Variants in MYO16 observed in about 807,000 individuals in gnomAD.
MYO16 encodes the protein myosin XVI.
In MYO16, 94 loss-of-function variants were observed where a neutral mutation model predicts 205.3. That is an observed-to-expected ratio of 0.46 (90% CI 0.39 to 0.54). MYO16 has a LOEUF of 0.54. Ranked by LOEUF, MYO16 falls within the 20% of genes least tolerant of loss-of-function variation. The pLI is 0.00. For missense variants in MYO16, 2,315 were observed against 2,387.5 expected, an observed-to-expected ratio of 0.97 and a Z score of 0.63; for synonymous variants, 988 against 954.0, an observed-to-expected ratio of 1.04 and a Z score of -0.66.
intron 4 of MYO16, among the ~76,000 whole-genome samples, chr13:108,734,978 A>G (rs1594249814): frequency 6.6e-6 from 1 of 152,162 alleles, no homozygotes; most frequent in Admixed American, 6.5e-5. Context: ...GGTAGGAGAA[A>G]GGTAGTTATT....
chr13:108,591,296 G>A (rs1878392149), upstream of MYO16, among the ~76,000 whole-genome samples: 1 of 152,238 alleles, frequency 6.6e-6, no homozygotes, highest in Non-Finnish European at 1.5e-5. Flanking sequence ...TTTGTAAAAT[G>A]TGTAAGAGCT....
chr13:108,653,231 A>G (rs973334627), intron 1 of MYO16, among the ~76,000 whole-genome samples: 2 of 152,046 alleles, frequency 1.3e-5, no homozygotes, highest in East Asian at 1.9e-4. Flanking sequence ...TTTTAATCAG[A>G]TTATTTGATT....
At chr13:108,965,601 T>G (rs1883762606) in intron 20 of MYO16, among the ~76,000 whole-genome samples, 1 of 152,040 alleles carries the variant, frequency 6.6e-6, no homozygotes, top group Admixed American at 6.6e-5. Flanking sequence ...AGATGGGGTT[T>G]CTCCATGTTG....
chr13:108,567,451 A>G, the MYO16 span, among the ~76,000 whole-genome samples: 1 of 152,184 alleles, frequency 6.6e-6, no homozygotes, highest in Non-Finnish European at 1.5e-5. Context: ...TACAGCAAAT[A>G]AAAATGGCCA....
chr13:108,868,112 A>G (rs1878815394), intron 12 of MYO16, among the ~76,000 whole-genome samples: 1 of 150,200 alleles, frequency 6.7e-6, no homozygotes, highest in South Asian at 2.1e-4. Flanking sequence ...TATTACTGCT[A>G]TGAACATCCT....
intron 13 of MYO16, among the ~76,000 whole-genome samples, chr13:108,884,843 A>G (rs1879787209): frequency 6.6e-6 from 1 of 150,568 alleles, no homozygotes; most frequent in African/African-American, 2.5e-5. Context: ...CACCCATTCT[A>G]GACATGAGGA....
rs542779301 is a variant in MYO16, at chr13:108,831,942, C to T, written c.1097+8664C>T. ...TTGTTATGTGAGAAAAATCAATGTC[C>T]ATTTCCTTAAGATACTATTCTTAGT... On this transcript the variant is annotated intron_variant, in intron 9 of 34. Coordinates refer to ENST00000457511, the MANE Select transcript of MYO16 (RefSeq NM_001198950.3). Among the ~76,000 whole-genome samples, 7 of 152,242 alleles carry T rather than the reference C, an allele frequency of 4.6e-5. 1 individual carries two copies. The South Asian group carries it at 1.5e-3, about 32-fold the overall frequency.
At chr13:108,919,135 G>A (rs1052296576) in intron 16 of MYO16, among the ~76,000 whole-genome samples, 6 of 152,264 alleles carry the variant, frequency 3.9e-5, no homozygotes, top group East Asian at 1.9e-4. Context: ...GAGCGAGGCC[G>A]TCTTCCCAGT....
intron 16 of MYO16, among the ~76,000 whole-genome samples, chr13:108,951,633 A>G (rs1170390424): frequency 6.6e-6 from 1 of 152,206 alleles, no homozygotes. Flanking sequence ...CCATGCAATT[A>G]TTATTTAACC....
chr13:109,099,823 T>G (rs755277491), intron 27 of MYO16, among the ~76,000 whole-genome samples: 1 of 152,162 alleles, frequency 6.6e-6, no homozygotes, highest in Non-Finnish European at 1.5e-5. Flanking sequence ...AAACACTCCC[T>G]CCCTTAATTG....
chr13:109,038,922 T>C (rs1398632067), intron 23 of MYO16, among the ~76,000 whole-genome samples: 1 of 152,114 alleles, frequency 6.6e-6, no homozygotes, highest in Non-Finnish European at 1.5e-5. Context: ...TGTGATGATA[T>C]CAAAGGAGGC....
chr13:109,063,491 A>T (rs1008040780), intron 27 of MYO16, among the ~76,000 whole-genome samples: 8 of 152,148 alleles, frequency 5.3e-5, no homozygotes, highest in Admixed American at 1.3e-4. Flanking sequence ...GTAAATTCAT[A>T]TGTGACTTCA....
chr13:109,205,480 T>C (rs1880560940), intron 34 of MYO16, among the ~76,000 whole-genome samples: 1 of 152,220 alleles, frequency 6.6e-6, no homozygotes, highest in Admixed American at 6.5e-5. Context: ...TGTGATGAGA[T>C]AGAAGAAGTG....
At chr13:108,577,882 C>T in the MYO16 span, among the ~76,000 whole-genome samples, 1 of 152,298 alleles carries the variant, frequency 6.6e-6, no homozygotes, top group East Asian at 1.9e-4. Context: ...ATATCTCCTC[C>T]TGATCATCTA....
At chr13:108,988,946 C>T (rs1296361788) in intron 20 of MYO16, among the ~76,000 whole-genome samples, 1 of 152,148 alleles carries the variant, frequency 6.6e-6, no homozygotes, top group Non-Finnish European at 1.5e-5. Context: ...GCATCTCTTA[C>T]CACTGGCAAA....
intron 27 of MYO16, among the ~76,000 whole-genome samples, chr13:109,075,004 G>A (rs913340602): frequency 6.6e-6 from 1 of 152,108 alleles, no homozygotes; most frequent in African/African-American, 2.4e-5. Context: ...CCTTCACTCA[G>A]CATCATAATT....
In MYO16 at chr13:108,824,139, A is replaced by G. The variant is rs573479081; in HGVS notation, c.1097+861A>G. On this transcript the variant is annotated intron_variant, in intron 9 of 34. Transcript: ENST00000457511. ...CTGTCACATCATTTTAAAGGCCTTC[A>G]TGAACAGCAGTCAGGTAAAGAAATT... 9.2e-5 allele frequency among the ~76,000 whole-genome samples: 14 copies of G among 152,224 alleles called. No individual in the cohort carries two copies. The East Asian group carries it at 2.5e-3, about 27-fold the overall frequency.
At chr13:108,660,860 T>C (rs1881471763) in intron 1 of MYO16, among the ~76,000 whole-genome samples, 1 of 152,224 alleles carries the variant, frequency 6.6e-6, no homozygotes. Context: ...TTGTTTTTGC[T>C]TTTTAACTTG....
chr13:108,941,504 C>T (rs1418828713), intron 16 of MYO16, among the ~76,000 whole-genome samples: 1 of 151,802 alleles, frequency 6.6e-6, no homozygotes, highest in Non-Finnish European at 1.5e-5. Flanking sequence ...TGGTGAAACC[C>T]CGTGTCTACT....
Sources: gnomAD v4.1 joint callset for allele counts (sites outside exome capture counted in the v4.1 genomes callset) on GRCh38, gnomAD v4.1.1 for gene constraint, MANE v1.5 for transcripts, NCBI Gene and HGNC (gene_info 2026-07-23, HGNC 2026-07-21) for gene names.